The following TRA2A variants were observed in gnomAD, a reference collection of about 807,000 sequenced individuals.
TRA2A encodes the protein transformer-2 protein homolog alpha.
TRA2A carries 31 observed loss-of-function variants against 45.7 expected under a neutral mutation model. The ratio of observed to expected loss-of-function variants is 0.68; its 90% CI spans 0.51 to 0.92. The LOEUF is 0.92. TRA2A is among the 40% of genes least tolerant of loss of function. The pLI, the probability that TRA2A is intolerant of heterozygous loss-of-function variation, is 0.00. For synonymous variants in TRA2A, 132 were observed against 126.2 expected, an observed-to-expected ratio of 1.05 and a Z score of -0.31; for missense variants, 304 against 367.5, an observed-to-expected ratio of 0.83 and a Z score of 1.41.
chr7:23,531,760 C>T (rs1332685467), intron 1 of TRA2A, 29 bp downstream of exon 1: 6 of 1,612,582 alleles, frequency 3.7e-6, no homozygotes, highest in Middle Eastern at 1.7e-4. Context: ...GGGCCGCCGC[C>T]TAGACGGCTC....
chr7:23,517,259 G>A (rs1055823708), intron 2 of TRA2A, among the ~76,000 whole-genome samples: 3 of 151,452 alleles, frequency 2.0e-5, no homozygotes, highest in African/African-American at 7.3e-5. Flanking sequence ...GAGGCGGGCG[G>A]ATCACGAGGT....
At chr7:23,520,108 C>T (rs1031525904) in intron 2 of TRA2A, among the ~76,000 whole-genome samples, 6 of 152,042 alleles carry the variant, frequency 3.9e-5, no homozygotes, top group South Asian at 2.1e-4. Flanking sequence ...CCCAGCTACT[C>T]GGGAGGCTGA....
Position 23,521,741 on chromosome 7 carries a change from A to G in TRA2A, c.136T>C (p.Ser46Pro). 1 of 1,614,162 alleles carries G rather than the reference A, an allele frequency of 6.2e-7. No homozygotes were observed. Among genetic ancestry groups the G allele is most frequent in the Non-Finnish European group, 8.5e-7 (1 of 1,180,028 alleles). The change falls in exon 2 of 8, where the codon TCT (serine) becomes CCT (proline). Residue 46 changes from serine to proline, a missense_variant. Ser to Pro is a moderately conservative substitution (Grantham distance 74). Coordinates refer to ENST00000297071, the MANE Select transcript of TRA2A (RefSeq NM_013293.5). Reference protein sequence around the residue: ...SRSPSRVSKHSESHSRSRSKS... With the variant: ...SRSPSRVSKHPESHSRSRSKS... ...GATCTTGATCGAGAATGGGATTCAG[A>G]GTGTTTGGAAACCCTTGATGGACTA... is the stretch of plus-strand genomic sequence containing the variant.
At chr7:23,531,766 G>A in intron 1 of TRA2A, 23 bp downstream of exon 1, 1 of 1,612,734 alleles carries the variant, frequency 6.2e-7, no homozygotes, top group Non-Finnish European at 8.5e-7. Flanking sequence ...CCGCCTAGAC[G>A]GCTCCCGCGG....
chr7:23,525,633 G>C (rs1790310183), intron 1 of TRA2A, among the ~76,000 whole-genome samples: 2 of 152,174 alleles, frequency 1.3e-5, no homozygotes, highest in African/African-American at 4.8e-5. Context: ...TGGTTTTTCT[G>C]TCACCCAGGC....
intron 1 of TRA2A, chr7:23,531,265 C>A (rs1790569837): frequency 1.0e-6 from 1 of 987,314 alleles, no homozygotes; most frequent in Non-Finnish European, 1.2e-6. Flanking sequence ...GAGACGCGGC[C>A]GCTCACTGAA....
intron 1 of TRA2A, among the ~76,000 whole-genome samples, chr7:23,526,131 T>G (rs1031896266): frequency 6.6e-6 from 1 of 152,202 alleles, no homozygotes; most frequent in South Asian, 2.1e-4. Flanking sequence ...ATTATATACA[T>G]GTACACAATG....
intron 1 of TRA2A, among the ~76,000 whole-genome samples, chr7:23,526,017 A>T (rs551140926): frequency 1.5e-4 from 23 of 152,366 alleles, no homozygotes; most frequent in African/African-American, 5.5e-4. Context: ...TAACCAATAC[A>T]AGCTGGTTAA....
intron 2 of TRA2A, among the ~76,000 whole-genome samples, chr7:23,518,070 C>G (rs1789968060): frequency 6.6e-6 from 1 of 151,918 alleles, no homozygotes; most frequent in Admixed American, 6.6e-5. Flanking sequence ...TCCCAGACAG[C>G]TAGGACTACA....
intron 2 of TRA2A, among the ~76,000 whole-genome samples, chr7:23,519,801 G>A (rs1481768654): frequency 6.6e-6 from 1 of 152,134 alleles, no homozygotes; most frequent in Non-Finnish European, 1.5e-5. Context: ...AATAACGCTA[G>A]AAGAGTTGAT....
intron 2 of TRA2A, among the ~76,000 whole-genome samples, chr7:23,517,201 G>C (rs1258844505): frequency 6.6e-6 from 1 of 151,822 alleles, no homozygotes; most frequent in Non-Finnish European, 1.5e-5. Context: ...AATCACTTGG[G>C]GCCGGGCACG....
chr7:23,524,697 T>C (rs1159942325), intron 1 of TRA2A, among the ~76,000 whole-genome samples: 1 of 151,856 alleles, frequency 6.6e-6, no homozygotes, highest in Non-Finnish European at 1.5e-5. Context: ...TTAACTATTT[T>C]TTTTTTTTTT....
At chr7:23,510,686 C>T (rs970850960) in intron 4 of TRA2A, among the ~76,000 whole-genome samples, 2 of 152,044 alleles carry the variant, frequency 1.3e-5, no homozygotes, top group Admixed American at 6.6e-5. Flanking sequence ...GAGATAAACA[C>T]GTTTCACATT....
At chr7:23,519,926 T>C (rs1474320964) in intron 2 of TRA2A, among the ~76,000 whole-genome samples, 1 of 152,136 alleles carries the variant, frequency 6.6e-6, no homozygotes, top group Admixed American at 6.5e-5. Context: ...GCAATGAAAG[T>C]GAGACAATAA....
intron 4 of TRA2A, among the ~76,000 whole-genome samples, chr7:23,511,625 A>G (rs1789626826): frequency 6.6e-6 from 1 of 152,056 alleles, no homozygotes; most frequent in Non-Finnish European, 1.5e-5. Context: ...GGTTCACATC[A>G]GTAATTCTAG....
At chr7:23,526,955 A>G (rs192074511) in intron 1 of TRA2A, among the ~76,000 whole-genome samples, 28 of 152,276 alleles carry the variant, frequency 1.8e-4, no homozygotes, top group Non-Finnish European at 3.8e-4. Flanking sequence ...TAATTGTGAA[A>G]TCACCTGTAA....
At chr7:23,518,316 A>C (rs952118883) in intron 2 of TRA2A, among the ~76,000 whole-genome samples, 2 of 151,570 alleles carry the variant, frequency 1.3e-5, no homozygotes, top group Non-Finnish European at 2.9e-5. Context: ...CTAATTCAAC[A>C]ACCACCTAAA....
At chr7:23,505,867 G>T in intron 6 of TRA2A, 54 bp from the exon 7 acceptor site, 1 of 1,128,342 alleles carries the variant, frequency 8.9e-7, no homozygotes. Context: ...CACTGAGGCA[G>T]ATGAAAATAA....
chr7:23,510,253 T>C (rs984516561), intron 4 of TRA2A, among the ~76,000 whole-genome samples: 1 of 152,176 alleles, frequency 6.6e-6, no homozygotes, highest in Non-Finnish European at 1.5e-5. Context: ...TATTGTCACC[T>C]AGTGAACTAA....
Sources: allele counts gnomAD v4.1 joint callset (sites outside exome capture counted in the v4.1 genomes callset), GRCh38; gene constraint gnomAD v4.1.1; transcripts MANE v1.5; gene names NCBI Gene and HGNC (gene_info 2026-07-23, HGNC 2026-07-21).